The following ATP8A1 variants were observed in gnomAD, a reference collection of about 807,000 sequenced individuals.
The protein encoded by ATP8A1 is phospholipid-transporting ATPase IA.
Under a neutral mutation model 177.7 loss-of-function variants are expected in ATP8A1, and 90 were observed. That is an observed-to-expected ratio of 0.51 (90% confidence interval 0.43 to 0.60). The LOEUF (loss-of-function observed/expected upper bound fraction) is 0.60, where lower values mean the gene tolerates loss of function less well. Among genes scored for constraint, ATP8A1 ranks in the 20% least tolerant of loss-of-function variants. The probability of loss-of-function intolerance (pLI) is 0.00; values close to 1 mark genes in which losing one functional copy is unlikely to be tolerated. For synonymous variants in ATP8A1, 493 were observed against 485.9 expected, an observed-to-expected ratio of 1.01 and a Z score of -0.19; for missense variants, 1,072 against 1,392.8, an observed-to-expected ratio of 0.77 and a Z score of 3.67.
At chr4:42,555,803 G>A (rs1027501827) in intron 16 of ATP8A1, among the ~76,000 whole-genome samples, 165 bp downstream of exon 16, 10 of 151,626 alleles carry the variant, frequency 6.6e-5, no homozygotes, top group African/African-American at 1.7e-4. Context: ...CAGCCCCAGC[G>A]ACAGAGTGAG....
At chr4:42,457,478 A>G (rs1243376772) in intron 27 of ATP8A1, among the ~76,000 whole-genome samples, 1 of 152,222 alleles carries the variant, frequency 6.6e-6, no homozygotes, top group Non-Finnish European at 1.5e-5. Flanking sequence ...ACAAACTTCC[A>G]ATTATGGCCT....
intron 7 of ATP8A1, 62 bp downstream of exon 7, chr4:42,590,749 T>C (rs1734080490): frequency 6.7e-7 from 1 of 1,493,618 alleles, no homozygotes; most frequent in Non-Finnish European, 9.3e-7. Context: ...TGGGTGCAAC[T>C]GTTCTCCGGT....
intron 9 of ATP8A1, among the ~76,000 whole-genome samples, chr4:42,582,995 A>G (rs1733250172): frequency 2.0e-5 from 3 of 152,358 alleles, no homozygotes; most frequent in African/African-American, 4.8e-5. Context: ...AAAGAAAAAT[A>G]TATTTAAAAA....
chr4:42,588,373 A>G, intron 7 of ATP8A1, 44 bp from the exon 8 acceptor site: 1 of 1,497,916 alleles, frequency 6.7e-7, no homozygotes, highest in Non-Finnish European at 9.3e-7. Context: ...GTGCGGGAAG[A>G]AAAGCATAAT....
At chr4:42,602,957 T>C (rs1735445610) in intron 5 of ATP8A1, among the ~76,000 whole-genome samples, 1 of 152,078 alleles carries the variant, frequency 6.6e-6, no homozygotes, top group Admixed American at 6.5e-5. Flanking sequence ...TTTGCATTAA[T>C]TTAGGAAAAA....
At chr4:42,623,827 C>T (rs1260239032) in intron 4 of ATP8A1, among the ~76,000 whole-genome samples, 1 of 152,130 alleles carries the variant, frequency 6.6e-6, no homozygotes, top group Non-Finnish European at 1.5e-5. Flanking sequence ...ACCTATGTAA[C>T]AACCCTGCAC....
intron 5 of ATP8A1, among the ~76,000 whole-genome samples, chr4:42,604,361 T>C (rs1035752760): frequency 2.0e-5 from 3 of 152,176 alleles, no homozygotes; most frequent in African/African-American, 7.2e-5. Context: ...GATTATAAGA[T>C]CCATGACAAG....
intron 12 of ATP8A1, 140 bp downstream of exon 12, chr4:42,578,120 G>C: frequency 1.3e-6 from 1 of 792,040 alleles, no homozygotes; most frequent in Non-Finnish European, 1.8e-6. Flanking sequence ...GAGGAACTTT[G>C]CAACAAATTA....
rs578245969 is a variant in ATP8A1, at chr4:42,463,973, T to G, written c.2619+717A>C. 1.2e-4 allele frequency among the ~76,000 whole-genome samples: 18 copies of G among 152,314 alleles called. 2 individuals carry two copies. The South Asian group carries it at 3.7e-3, about 32-fold the overall frequency. On this transcript the variant is annotated intron_variant, in intron 27 of 36. Transcript: ENST00000381668. ...TTCCTGATTGCACTTCTTTGTCTCC[T>G]CCCAGAATTAGAGGTGCTAGCTTCA... is the stretch of plus-strand genomic sequence containing the variant.
At chr4:42,557,257 T>TCA (rs1577582904) in intron 15 of ATP8A1, among the ~76,000 whole-genome samples, 8 of 152,122 alleles carry the variant, frequency 5.3e-5, no homozygotes, top group East Asian at 1.9e-4. Context: ...ATCATCATCA[T>TCA]TATCATTATT....
chr4:42,637,128 C>T (rs1394748553), intron 1 of ATP8A1: 1 of 518,784 alleles, frequency 1.9e-6, no homozygotes, highest in African/African-American at 1.9e-5. Context: ...GAAGCTAAGC[C>T]CTGTTCCCTG....
chr4:42,492,304 A>G (rs935068550), intron 24 of ATP8A1, among the ~76,000 whole-genome samples: 2 of 152,218 alleles, frequency 1.3e-5, no homozygotes, highest in Non-Finnish European at 2.9e-5. Context: ...AGGAAAAAAA[A>G]ATCAAAATTC....
rs1040943103 is a variant in ATP8A1, at chr4:42,594,435, A to G, written c.451-3551T>C. 7.2e-6 allele frequency: 6 copies of G among 837,468 alleles called. No homozygotes were observed. The East Asian group carries it at 1.3e-4, about 17-fold the overall frequency. 51.9% of individuals were successfully genotyped at this position (837,468 alleles called of 1,614,324 possible). A position where few individuals can be genotyped will look rare whatever the true frequency, so the allele number is the denominator to read the frequency against. Reference sequence around the variant, plus strand: ...TACAAATATACAACCCATTGTAAAAAGCATAGAATACACAGTAAAAATGGT... The same window carrying G: ...TACAAATATACAACCCATTGTAAAAGGCATAGAATACACAGTAAAAATGGT... On this transcript the variant is annotated intron_variant, in intron 6 of 36. Transcript: ENST00000381668.
At position 42,657,045 on chromosome 4, in the gene ATP8A1, G is replaced by A. The variant is rs1237758647; in HGVS notation, c.-172C>T. ...GCGCGGCCCCCGCACGCCGACAGGA[G>A]GAGGAGAAAGGCAGCGGTGGCGGCG... On this transcript the variant is annotated 5_prime_UTR_variant, in exon 1 of 37. Transcript: ENST00000381668. 5 of 559,506 alleles carry A rather than the reference G, an allele frequency of 8.9e-6. No individual in the cohort carries two copies. The highest frequency in any genetic ancestry group is 1.3e-5 in the Non-Finnish European group (5 of 374,546). The allele number at this position is 559,506 out of a possible 1,614,324, so 34.7% of individuals were successfully genotyped here.
chr4:42,441,721 ATAAACT>A (rs142042393), intron 33 of ATP8A1, among the ~76,000 whole-genome samples: 3,021 of 152,348 alleles, frequency 0.02, 58 homozygotes, highest in South Asian at 0.088. Flanking sequence ...AAAGTGCTAC[ATAAACT>A]TAAAGTATTC....
At chr4:42,621,672 C>T (rs1051458356) in intron 4 of ATP8A1, among the ~76,000 whole-genome samples, 2 of 152,134 alleles carry the variant, frequency 1.3e-5, no homozygotes, top group Admixed American at 6.5e-5. Flanking sequence ...CAATGCTATT[C>T]CCATTAAACT....
At chr4:42,651,162 G>A (rs1741053270) in intron 1 of ATP8A1, among the ~76,000 whole-genome samples, 1 of 150,840 alleles carries the variant, frequency 6.6e-6, no homozygotes, top group Non-Finnish European at 1.5e-5. Flanking sequence ...CTTCTGCCAT[G>A]ATTGTGAGAC....
chr4:42,477,234 C>T lies in ATP8A1; in HGVS notation c.2324+8262G>A, dbSNP rs146159199. Among the ~76,000 whole-genome samples the T allele has an allele frequency of 5.1e-3, 776 of 152,290 alleles. 8 individuals carry two copies. The highest frequency in any genetic ancestry group is 7.7e-3 in the Non-Finnish European group (522 of 68,020). ...CAGAAACTGAGAAAGGTAAATACTC[C>T]TGTGAGATGTTCAACCTCTCTAGTA... On this transcript the variant is annotated intron_variant, in intron 25 of 36. Coordinates refer to ENST00000381668, the MANE Select transcript of ATP8A1 (RefSeq NM_006095.2).
intron 27 of ATP8A1, among the ~76,000 whole-genome samples, chr4:42,460,808 T>A (rs1472926615): frequency 6.6e-6 from 1 of 152,182 alleles, no homozygotes; most frequent in East Asian, 1.9e-4. Context: ...GGTGGGTCCT[T>A]GACAGGAGTG....
Sources: gnomAD v4.1 joint callset for allele counts (sites outside exome capture counted in the v4.1 genomes callset) on GRCh38, gnomAD v4.1.1 for gene constraint, MANE v1.5 for transcripts, NCBI Gene and HGNC (gene_info 2026-07-23, HGNC 2026-07-21) for gene names.